MYOZ2: variants seen among roughly 807,000 people sequenced by gnomAD.
MYOZ2 encodes the protein myozenin-2.
In MYOZ2, 19 loss-of-function variants were observed where a neutral mutation model predicts 25.4. The observed-to-expected ratio is 0.75, with a 90% CI of 0.52 to 1.10. The LOEUF (loss-of-function observed/expected upper bound fraction) is 1.10. MYOZ2 is among the 50% of genes least tolerant of loss of function. The pLI is 0.00. For synonymous variants in MYOZ2, 92 were observed against 106.9 expected (o/e 0.86, Z 0.86); for missense variants, 270 against 317.9 (o/e 0.85, Z 1.15).
intron 3 of MYOZ2, among the ~76,000 whole-genome samples, chr4:119,152,199 A>G (rs1228181638): frequency 6.6e-6 from 1 of 152,080 alleles, no homozygotes; most frequent in African/African-American, 2.4e-5. Flanking sequence ...TAGTATTTAT[A>G]CTTGTGAAGA....
intron 5 of MYOZ2, among the ~76,000 whole-genome samples, chr4:119,171,716 ATATTT>A (rs1266327259): frequency 6.7e-6 from 1 of 149,348 alleles, no homozygotes; most frequent in African/African-American, 2.4e-5. Flanking sequence ...TTTTAATAAA[ATATTT>A]TATTTTATTT....
intron 2 of MYOZ2, among the ~76,000 whole-genome samples, chr4:119,144,519 T>C (rs1407787469): frequency 6.6e-6 from 1 of 152,228 alleles, no homozygotes; most frequent in Non-Finnish European, 1.5e-5. Flanking sequence ...ACAGAATTTA[T>C]TAAATTGTTT....
chr4:119,160,318 G>GTTT (rs36015423), intron 4 of MYOZ2, among the ~76,000 whole-genome samples: 1 of 148,236 alleles, frequency 6.7e-6, no homozygotes. Context: ...ACTTTTTGGA[G>GTTT]TTTTTTTTTT....
At chr4:119,150,675 T>C (rs1478969104) in intron 2 of MYOZ2, among the ~76,000 whole-genome samples, 197 bp from the exon 3 acceptor site, 2 of 152,150 alleles carry the variant, frequency 1.3e-5, no homozygotes, top group African/African-American at 4.8e-5. Context: ...TATTTCATTC[T>C]CATATTAATG....
chr4:119,178,902 C>T (rs1045146628), intron 5 of MYOZ2, among the ~76,000 whole-genome samples: 2 of 152,274 alleles, frequency 1.3e-5, no homozygotes, highest in Admixed American at 6.5e-5. Flanking sequence ...CCACCGTGCC[C>T]GGCTATTCAG....
At chr4:119,176,865 G>A (rs1742084612) in intron 5 of MYOZ2, among the ~76,000 whole-genome samples, 1 of 152,076 alleles carries the variant, frequency 6.6e-6, no homozygotes, top group African/African-American at 2.4e-5. Context: ...GAATTATCTT[G>A]AGCTCTTGTC....
intron 2 of MYOZ2, among the ~76,000 whole-genome samples, chr4:119,141,497 C>T (rs189909751): frequency 5.9e-5 from 9 of 152,284 alleles, no homozygotes; most frequent in African/African-American, 2.2e-4. Flanking sequence ...ATTCTCCTGC[C>T]TCAGCCTCCC....
chr4:119,148,725 A>ATTTTTTT (rs202187477), intron 2 of MYOZ2, among the ~76,000 whole-genome samples: 2 of 67,134 alleles, frequency 3.0e-5, no homozygotes, highest in African/African-American at 6.5e-5. Context: ...CTCGACTGAG[A>ATTTTTTT]TTTTTTTTTT....
intron 3 of MYOZ2, among the ~76,000 whole-genome samples, chr4:119,151,600 A>C (rs1336525739): frequency 6.6e-6 from 1 of 152,188 alleles, no homozygotes; most frequent in Non-Finnish European, 1.5e-5. Flanking sequence ...GCTAATAAAC[A>C]AACAAAAATT....
intron 3 of MYOZ2, among the ~76,000 whole-genome samples, chr4:119,156,979 A>G (rs1159617485): frequency 6.6e-6 from 1 of 152,204 alleles, no homozygotes; most frequent in Admixed American, 6.5e-5. Context: ...TAGTTATGGT[A>G]AGTATTTAAA....
At chr4:119,154,892 AT>A (rs1404181155) in intron 3 of MYOZ2, among the ~76,000 whole-genome samples, 1 of 148,512 alleles carries the variant, frequency 6.7e-6, no homozygotes, top group African/African-American at 2.5e-5. Flanking sequence ...CACACACACA[AT>A]GCCTTTCTTA....
chr4:119,162,554 C>T (rs764198415), intron 4 of MYOZ2, among the ~76,000 whole-genome samples: 2 of 152,134 alleles, frequency 1.3e-5, no homozygotes, highest in Non-Finnish European at 2.9e-5. Context: ...CAGTGTTCCT[C>T]GTTGTTCTGT....
chr4:119,165,527 T>A (rs1019381804), intron 5 of MYOZ2, among the ~76,000 whole-genome samples: 5 of 151,784 alleles, frequency 3.3e-5, no homozygotes, highest in African/African-American at 9.7e-5. Flanking sequence ...AATAAATAAA[T>A]AAAATAAATA....
At chr4:119,170,122 A>G (rs1741916006) in intron 5 of MYOZ2, among the ~76,000 whole-genome samples, 1 of 151,908 alleles carries the variant, frequency 6.6e-6, no homozygotes, top group Admixed American at 6.6e-5. Context: ...CCTCTCCATA[A>G]CTCTCCATCT....
intron 2 of MYOZ2, among the ~76,000 whole-genome samples, chr4:119,139,262 A>G (rs1028361810): frequency 6.6e-6 from 1 of 152,196 alleles, no homozygotes; most frequent in Non-Finnish European, 1.5e-5. Flanking sequence ...CTTGGCCGGA[A>G]GCAGAGCTAA....
chr4:119,184,038 C>T (rs191993553), intron 5 of MYOZ2, among the ~76,000 whole-genome samples: 366 of 152,214 alleles, frequency 2.4e-3, no homozygotes, highest in African/African-American at 7.9e-3. Flanking sequence ...TGGTCTCGAA[C>T]TCCCGACCTC....
chr4:119,141,795 G>T (rs1008239120), intron 2 of MYOZ2, among the ~76,000 whole-genome samples: 1 of 152,194 alleles, frequency 6.6e-6, no homozygotes, highest in African/African-American at 2.4e-5. Flanking sequence ...TAAACACACC[G>T]TTAAGAACCT....
intron 2 of MYOZ2, among the ~76,000 whole-genome samples, chr4:119,149,379 G>A (rs888883984): frequency 6.6e-6 from 1 of 152,224 alleles, no homozygotes; most frequent in African/African-American, 2.4e-5. Context: ...AGATCTTAAC[G>A]TGGGTGAGAG....
At chr4:119,177,139 A>G (rs1231129026) in intron 5 of MYOZ2, among the ~76,000 whole-genome samples, 1 of 152,206 alleles carries the variant, frequency 6.6e-6, no homozygotes, top group Non-Finnish European at 1.5e-5. Context: ...TTTAAAGTCC[A>G]TCAATCCCTT....
Sources: gnomAD v4.1 joint callset for allele counts (sites outside exome capture counted in the v4.1 genomes callset) on GRCh38, gnomAD v4.1.1 for gene constraint, MANE v1.5 for transcripts, NCBI Gene and HGNC (gene_info 2026-07-23, HGNC 2026-07-21) for gene names.